DMXL2: variants seen among roughly 807,000 people sequenced by gnomAD.
The protein encoded by DMXL2 is dmX-like protein 2.
A neutral mutation model predicts 331.1 loss-of-function variants in DMXL2; 103 were observed. The observed-to-expected ratio is 0.31, with a 90% confidence interval of 0.27 to 0.37. DMXL2 has a LOEUF of 0.37. Among genes scored for constraint, DMXL2 ranks in the 10% least tolerant of loss-of-function variants. The pLI is 1.00. For missense variants in DMXL2, 3,171 were observed against 3,642.9 expected, an observed-to-expected ratio of 0.87 and a Z score of 3.33; for synonymous variants, 1,281 against 1,252.1, an observed-to-expected ratio of 1.02 and a Z score of -0.49.
intron 13 of DMXL2, among the ~76,000 whole-genome samples, chr15:51,521,224 G>A (rs1048524044): frequency 4.5e-4 from 69 of 152,184 alleles, no homozygotes; most frequent in African/African-American, 1.7e-3. Context: ...TCAAATCCTG[G>A]TCCTACCATT....
intron 9 of DMXL2, among the ~76,000 whole-genome samples, chr15:51,538,670 AC>A (rs2048416388): frequency 1.3e-5 from 2 of 152,320 alleles, no homozygotes. Flanking sequence ...AAAACAAAAT[AC>A]ACGAATGCAT....
At position 51,491,565 on chromosome 15, in the gene DMXL2, A is replaced by G. The variant is rs777744932; in HGVS notation, c.4953+13T>C. The G allele has an allele frequency of 1.9e-6, 3 of 1,584,008 alleles. No individual in the cohort carries two copies. In the East Asian group the frequency reaches 6.9e-5, roughly 36 times the overall value. On this transcript the variant is annotated intron_variant, in intron 20 of 43. Coordinates refer to ENST00000560891, the MANE Select transcript of DMXL2 (RefSeq NM_001378457.1). Reference sequence around the variant, plus strand: ...TTTTTAATATAACTCAAAATCCACTAAAGAAAAGTTACCTTTTCAATGCAT... The same window carrying G: ...TTTTTAATATAACTCAAAATCCACTGAAGAAAAGTTACCTTTTCAATGCAT...
intron 1 of DMXL2, among the ~76,000 whole-genome samples, chr15:51,591,700 G>A (rs548721470): frequency 8.3e-4 from 126 of 152,278 alleles, no homozygotes; most frequent in South Asian, 3.1e-3. Context: ...GACTGACACC[G>A]CACATGGCCG....
intron 1 of DMXL2, among the ~76,000 whole-genome samples, chr15:51,576,985 A>C (rs1439002172): frequency 6.6e-6 from 1 of 152,166 alleles, no homozygotes; most frequent in Non-Finnish European, 1.5e-5. Context: ...ATTTCTTCCT[A>C]TTGCAACACT....
intron 31 of DMXL2, 73 bp from the exon 32 acceptor site, chr15:51,464,949 G>C (rs1410707365): frequency 1.6e-6 from 2 of 1,285,468 alleles, no homozygotes; most frequent in East Asian, 4.9e-5. Flanking sequence ...TATAGAATCT[G>C]AATTCTCAGA....
chr15:51,476,111 A>C (rs1416383520), intron 27 of DMXL2, among the ~76,000 whole-genome samples: 3 of 152,202 alleles, frequency 2.0e-5, no homozygotes, highest in African/African-American at 7.2e-5. Flanking sequence ...AGAAGTTTTG[A>C]AACAACTGAT....
intron 37 of DMXL2, 102 bp downstream of exon 37, chr15:51,457,226 G>GT (rs1566976731): frequency 8.3e-7 from 1 of 1,204,096 alleles, no homozygotes; most frequent in African/African-American, 1.5e-5. Context: ...CTATCTACTG[G>GT]TGTTTGTCCC....
At chr15:51,565,508 A>T (rs1412789158) in intron 3 of DMXL2, among the ~76,000 whole-genome samples, 2 of 152,154 alleles carry the variant, frequency 1.3e-5, no homozygotes, top group African/African-American at 4.8e-5. Flanking sequence ...TAGCTAACTC[A>T]TCATCTCTGC....
At chr15:51,575,958 A>C (rs993262815) in intron 2 of DMXL2, 98 bp downstream of exon 2, 18 of 1,279,218 alleles carry the variant, frequency 1.4e-5, no homozygotes, top group Non-Finnish European at 1.9e-5. Context: ...GCAATACATA[A>C]GAAATTATAC....
Position 51,498,687 on chromosome 15 carries a change from C to G in DMXL2, c.4537G>C (p.Val1513Leu). Residue 1513 changes from valine (V) to leucine (L), a missense_variant, in exon 18 of 44, where the codon GTA becomes CTA. Around this residue, in one of 7 missense-constraint regions of DMXL2, gnomAD observed 252 missense variants for 387.4 expected, o/e 0.65. Coordinates refer to ENST00000560891, the MANE Select transcript of DMXL2 (RefSeq NM_001378457.1). ...PAYFGQEHARVLSSHLMHSSL... is the reference protein window; with the variant it reads ...PAYFGQEHARLLSSHLMHSSL... ...GAGTGCATAAGATGACTTGAAAGTA[C>G]CCTTGCATGTTCTTGGCCAAAGTAA... is the stretch of plus-strand genomic sequence containing the variant. The G allele has an allele frequency of 6.2e-7, 1 of 1,614,074 alleles. No individual in the cohort carries two copies. The highest frequency in any genetic ancestry group is 8.5e-7 in the Non-Finnish European group (1 of 1,180,002).
At chr15:51,466,611 T>C (rs2140280525) in intron 29 of DMXL2, 1 of 152,224 alleles carries the variant, frequency 6.6e-6, no homozygotes, top group Non-Finnish European at 1.5e-5. Context: ...AGATCAGCAA[T>C]AAATAGTTAG....
At chr15:51,508,924 A>C (rs1040508452) in intron 15 of DMXL2, among the ~76,000 whole-genome samples, 15 of 152,250 alleles carry the variant, frequency 9.9e-5, no homozygotes, top group Non-Finnish European at 2.1e-4. Context: ...TAAGATCAAT[A>C]ATATTCAATG....
At chr15:51,616,742 G>A (rs1201488851) in intron 1 of DMXL2, among the ~76,000 whole-genome samples, 1 of 152,086 alleles carries the variant, frequency 6.6e-6, no homozygotes, top group Non-Finnish European at 1.5e-5. Context: ...GTTCAAGCCA[G>A]CCTGGCCAAC....
intron 13 of DMXL2, among the ~76,000 whole-genome samples, chr15:51,526,242 G>T (rs968124089): frequency 6.6e-6 from 1 of 152,004 alleles, no homozygotes; most frequent in Non-Finnish European, 1.5e-5. Context: ...AGTAAAAGAA[G>T]AGAACAAGAG....
intron 27 of DMXL2, among the ~76,000 whole-genome samples, chr15:51,475,642 A>G (rs2041514541): frequency 1.3e-5 from 2 of 152,202 alleles, no homozygotes; most frequent in South Asian, 2.1e-4. Context: ...TTTACTCAAT[A>G]TAAGAGGAGA....
At chr15:51,501,721 C>T (rs1260659005) in intron 17 of DMXL2, among the ~76,000 whole-genome samples, 1 of 150,986 alleles carries the variant, frequency 6.6e-6, no homozygotes, top group African/African-American at 2.4e-5. Context: ...GAGATCGAGA[C>T]CATCCTGACT....
At chr15:51,608,545 C>A (rs1334534639) in intron 1 of DMXL2, among the ~76,000 whole-genome samples, 3 of 152,086 alleles carry the variant, frequency 2.0e-5, no homozygotes, top group Non-Finnish European at 4.4e-5. Flanking sequence ...AAGCTAAACA[C>A]TGAGTACACA....
intron 9 of DMXL2, among the ~76,000 whole-genome samples, chr15:51,538,832 T>C (rs1245400719): frequency 6.6e-6 from 1 of 152,180 alleles, no homozygotes; most frequent in East Asian, 1.9e-4. Flanking sequence ...GATGATATTA[T>C]GATTATGTGA....
At chr15:51,456,045 C>CA (rs749324682) in intron 39 of DMXL2, 21 bp downstream of exon 39, 1 of 1,612,438 alleles carries the variant, frequency 6.2e-7, no homozygotes, top group Non-Finnish European at 8.5e-7. Context: ...ATGAATTCAG[C>CA]AGTAGCCCCC....
Sources: allele counts gnomAD v4.1 joint callset (sites outside exome capture counted in the v4.1 genomes callset), GRCh38; gene constraint gnomAD v4.1.1; regional missense constraint gnomAD v4.1.1; transcripts MANE v1.5; gene names NCBI Gene and HGNC (gene_info 2026-07-23, HGNC 2026-07-21).